The following SCLT1 variants were observed in gnomAD, a reference collection of about 807,000 sequenced individuals.
The protein encoded by SCLT1 is sodium channel-associated protein 1.
SCLT1 carries 78 observed loss-of-function variants against 112.8 expected under a neutral mutation model. The observed-to-expected ratio is 0.69, with a 90% CI of 0.58 to 0.83. SCLT1 has a LOEUF of 0.83. SCLT1 is among the 40% of genes least tolerant of loss of function. The probability of loss-of-function intolerance (pLI) is 0.00; values close to 1 mark genes in which losing one functional copy is unlikely to be tolerated. For synonymous variants in SCLT1, 257 were observed against 254.7 expected (o/e 1.01, Z -0.09); for missense variants, 747 against 770.4 (o/e 0.97, Z 0.36).
At chr4:128,882,151 G>C (rs532841512), downstream of SCLT1, among the ~76,000 whole-genome samples, 21 of 152,064 alleles carry the variant, frequency 1.4e-4, no homozygotes, top group Non-Finnish European at 2.6e-4. Context: ...TTCTTCTACA[G>C]TCTCATACTT....
chr4:129,086,124 A>T (rs1486235989), intron 1 of SCLT1, among the ~76,000 whole-genome samples: 1 of 152,152 alleles, frequency 6.6e-6, no homozygotes, highest in Non-Finnish European at 1.5e-5. Context: ...GTCCTCAGTA[A>T]TTAAAATAGG....
At chr4:129,012,513 TTATA>T (rs761249954) in intron 5 of SCLT1, among the ~76,000 whole-genome samples, 5 of 152,098 alleles carry the variant, frequency 3.3e-5, no homozygotes, top group Non-Finnish European at 7.4e-5. Flanking sequence ...GGATGGAGAG[TTATA>T]TAGATGTCTC....
chr4:128,982,843 T>G (rs1741778804), intron 9 of SCLT1, among the ~76,000 whole-genome samples: 1 of 152,068 alleles, frequency 6.6e-6, no homozygotes, highest in African/African-American at 2.4e-5. Context: ...GATGCCACTC[T>G]GATGAGAAGT....
chr4:129,069,848 T>C (rs138124986), intron 2 of SCLT1, among the ~76,000 whole-genome samples: 4 of 152,178 alleles, frequency 2.6e-5, no homozygotes, highest in African/African-American at 9.7e-5. Context: ...TCAGAGAGAA[T>C]GCTTTCCACT....
chr4:128,934,898 A>C (rs1390746061), intron 18 of SCLT1, among the ~76,000 whole-genome samples: 1 of 151,986 alleles, frequency 6.6e-6, no homozygotes, highest in African/African-American at 2.4e-5. Context: ...TCTTCAAAAG[A>C]ATGTTATTGA....
intron 8 of SCLT1, among the ~76,000 whole-genome samples, chr4:128,996,091 C>A (rs1013429373): frequency 4.6e-5 from 7 of 152,022 alleles, no homozygotes; most frequent in African/African-American, 1.7e-4. Flanking sequence ...CTGGGTGAAG[C>A]TGGGAGCTAA....
chr4:129,065,528 T>C (rs529763070), intron 2 of SCLT1, among the ~76,000 whole-genome samples: 1 of 152,218 alleles, frequency 6.6e-6, no homozygotes, highest in East Asian at 1.9e-4. Flanking sequence ...TCAAGCCTGT[T>C]GCTGTAGCAC....
intron 15 of SCLT1, 79 bp from the exon 16 acceptor site, chr4:128,946,231 G>A: frequency 1.1e-6 from 1 of 887,040 alleles, no homozygotes; most frequent in African/African-American, 1.7e-5. Context: ...GAAATCAATG[G>A]AAGAAATAAA....
intron 7 of SCLT1, 152 bp downstream of exon 7, chr4:128,999,520 A>G (rs923122066): frequency 2.3e-6 from 1 of 435,240 alleles, no homozygotes; most frequent in Non-Finnish European, 4.0e-6. Context: ...TAGTGTAACC[A>G]TCAAAGATCT....
At chr4:128,992,938 T>C (rs1488062558) in intron 8 of SCLT1, among the ~76,000 whole-genome samples, 1 of 151,966 alleles carries the variant, frequency 6.6e-6, no homozygotes, top group African/African-American at 2.4e-5. Flanking sequence ...TGATACAAAT[T>C]CCTTATCCCT....
At chr4:128,905,926 G>A (rs1476815841) in intron 18 of SCLT1, among the ~76,000 whole-genome samples, 2 of 151,002 alleles carry the variant, frequency 1.3e-5, no homozygotes, top group Non-Finnish European at 2.9e-5. Flanking sequence ...TTGTTTATTT[G>A]TTGGTTCTGA....
downstream of SCLT1, among the ~76,000 whole-genome samples, chr4:128,880,900 A>G (rs1056672351): frequency 3.3e-5 from 5 of 152,136 alleles, no homozygotes; most frequent in African/African-American, 1.2e-4. Flanking sequence ...TGGAGATCTA[A>G]TAAGTTGTCT....
chr4:128,921,711 G>GA (rs1343092558), intron 18 of SCLT1, among the ~76,000 whole-genome samples: 4 of 152,014 alleles, frequency 2.6e-5, no homozygotes, highest in Non-Finnish European at 5.9e-5. Flanking sequence ...ATAACCTAGG[G>GA]AATACCATCT....
intron 12 of SCLT1, among the ~76,000 whole-genome samples, chr4:128,958,369 G>A (rs1241706209): frequency 6.6e-6 from 1 of 152,180 alleles, no homozygotes; most frequent in Non-Finnish European, 1.5e-5. Context: ...TCGGCTGGGA[G>A]AACCTTTGAC....
Position 129,068,960 on chromosome 4 carries a change from A to C in SCLT1, c.102+13346T>G, listed in dbSNP as rs557779230. On this transcript the variant is annotated intron_variant, in intron 2 of 20. Coordinates refer to ENST00000281142, the MANE Select transcript of SCLT1 (RefSeq NM_144643.4). ...TGAGTTGATTTTTGTTTAAGGTGGGAGATGAGGATCTAGTTTCATTCTCCT... is the reference window on the plus strand; with the variant it reads ...TGAGTTGATTTTTGTTTAAGGTGGGCGATGAGGATCTAGTTTCATTCTCCT... Among the ~76,000 whole-genome samples the C allele has an allele frequency of 7.2e-5, 11 of 152,282 alleles. No individual in the cohort carries two copies. The East Asian group carries it at 2.1e-3, about 29-fold the overall frequency.
At chr4:128,924,364 G>T (rs1736129472) in intron 18 of SCLT1, among the ~76,000 whole-genome samples, 1 of 152,034 alleles carries the variant, frequency 6.6e-6, no homozygotes, top group Non-Finnish European at 1.5e-5. Context: ...CACCTCCCAG[G>T]CTCAAGCAAT....
chr4:129,065,131 G>C (rs149472495), intron 2 of SCLT1, among the ~76,000 whole-genome samples: 1 of 151,360 alleles, frequency 6.6e-6, no homozygotes, highest in East Asian at 1.9e-4. Context: ...TTTTTCTTTT[G>C]TACATTTTGA....
chr4:129,019,282 A>G (rs1459837824), intron 5 of SCLT1, among the ~76,000 whole-genome samples: 1 of 152,232 alleles, frequency 6.6e-6, no homozygotes, highest in East Asian at 1.9e-4. Flanking sequence ...CATCTTTATA[A>G]AAGTTTTGAT....
At chr4:129,054,422 A>G (rs1749154892) in intron 2 of SCLT1, among the ~76,000 whole-genome samples, 2 of 152,000 alleles carry the variant, frequency 1.3e-5, no homozygotes, top group South Asian at 4.1e-4. Context: ...ACATAGTCCC[A>G]TATTTCTTGG....
Sources: gnomAD v4.1 joint callset for allele counts (sites outside exome capture counted in the v4.1 genomes callset) on GRCh38, gnomAD v4.1.1 for gene constraint, MANE v1.5 for transcripts, NCBI Gene and HGNC (gene_info 2026-07-23, HGNC 2026-07-21) for gene names.